The following OSBPL8 variants were observed in gnomAD, a reference collection of about 807,000 sequenced individuals.
OSBPL8 encodes oxysterol binding protein like 8.
In OSBPL8, 59 loss-of-function variants were observed where a neutral mutation model predicts 125.5. The ratio of observed to expected loss-of-function variants is 0.47; its 90% CI spans 0.38 to 0.58. The LOEUF is 0.58. Among genes scored for constraint, OSBPL8 ranks in the 20% least tolerant of loss-of-function variants. OSBPL8 has a pLI of 0.00. For missense variants in OSBPL8, 758 were observed against 1,047.8 expected, an observed-to-expected ratio of 0.72 and a Z score of 3.82; for synonymous variants, 330 against 338.9, an observed-to-expected ratio of 0.97 and a Z score of 0.29.
intron 1 of OSBPL8, among the ~76,000 whole-genome samples, chr12:76,488,883 G>A (rs1294653513): frequency 6.6e-6 from 1 of 152,176 alleles, no homozygotes; most frequent in Admixed American, 6.5e-5. Context: ...TAGTGAGGAA[G>A]GCATGTCAAA....
intron 16 of OSBPL8, among the ~76,000 whole-genome samples, chr12:76,378,056 T>TA: frequency 6.6e-6 from 1 of 152,224 alleles, no homozygotes; most frequent in Admixed American, 6.5e-5. Context: ...GAAAAATCTT[T>TA]AAAAAACTTG....
In OSBPL8 at chr12:76,353,322, G is replaced by C. The variant is rs1224774208; in HGVS notation, c.*2567C>G. ...TGTTGTTTTTTTTTTTTTTTTACAT[G>C]TCCTGGGCCAGCTACATTTTACTAA... is the stretch of plus-strand genomic sequence containing the variant. On this transcript the variant is annotated 3_prime_UTR_variant, in exon 24 of 24. Coordinates refer to ENST00000261183, the MANE Select transcript of OSBPL8 (RefSeq NM_020841.5). 7.4e-6 allele frequency: 1 copy of C among 134,780 alleles called. No individual in the cohort carries two copies. The highest frequency in any genetic ancestry group is 2.3e-4 in the South Asian group (1 of 4,330). The allele number at this position is 134,780 out of a possible 1,614,324, so 8.3% of individuals were successfully genotyped here.
chr12:76,525,912 G>A (rs1474095732), intron 1 of OSBPL8, among the ~76,000 whole-genome samples: 1 of 152,176 alleles, frequency 6.6e-6, no homozygotes, highest in Non-Finnish European at 1.5e-5. Context: ...CCTACTACGT[G>A]CCAACCATTG....
intron 4 of OSBPL8, among the ~76,000 whole-genome samples, chr12:76,431,792 T>C (rs1870860880): frequency 6.6e-6 from 1 of 152,140 alleles, no homozygotes; most frequent in South Asian, 2.1e-4. Context: ...GACAGCAATA[T>C]GATAATAGCA....
chr12:76,427,244 A>C (rs1315898687), intron 4 of OSBPL8, among the ~76,000 whole-genome samples: 2 of 152,086 alleles, frequency 1.3e-5, no homozygotes, highest in African/African-American at 4.8e-5. Flanking sequence ...ATATGATAGA[A>C]TATTTCTGGA....
chr12:76,383,158 C>G (rs1390671618), intron 15 of OSBPL8, among the ~76,000 whole-genome samples: 1 of 151,904 alleles, frequency 6.6e-6, no homozygotes, highest in Non-Finnish European at 1.5e-5. Context: ...TGTACTATAA[C>G]ACAGAAAAAA....
chr12:76,439,551 A>G (rs2136648259), intron 4 of OSBPL8, among the ~76,000 whole-genome samples: 1 of 152,134 alleles, frequency 6.6e-6, no homozygotes, highest in South Asian at 2.1e-4. Context: ...TTTTATAATC[A>G]ATGAAATGCA....
intron 4 of OSBPL8, among the ~76,000 whole-genome samples, chr12:76,428,583 G>T (rs1343354542): frequency 6.6e-6 from 1 of 151,950 alleles, no homozygotes. Flanking sequence ...ATAAACCTAG[G>T]CTTTAAGAGA....
Position 76,389,630 on chromosome 12 carries a change from T to C in OSBPL8, c.1352+15A>G. ...ATGAAGTATTGTCTATTTTAAGAAA[T>C]AAGAATCTACTTACTCAGATAGGAA... On this transcript the variant is annotated intron_variant, in intron 12 of 23. Coordinates refer to ENST00000261183, the MANE Select transcript of OSBPL8 (RefSeq NM_020841.5). The C allele has an allele frequency of 2.0e-6, 3 of 1,498,290 alleles. No individual in the cohort carries two copies. The highest frequency in any genetic ancestry group is 2.7e-6 in the Non-Finnish European group (3 of 1,110,274). 92.8% of individuals were successfully genotyped at this position (1,498,290 alleles called of 1,614,324 possible). A position where few individuals can be genotyped will look rare whatever the true frequency, so the allele number is the denominator to read the frequency against.
chr12:76,400,714 T>C (rs1318372036), intron 6 of OSBPL8, among the ~76,000 whole-genome samples: 3 of 152,056 alleles, frequency 2.0e-5, no homozygotes, highest in Non-Finnish European at 2.9e-5. Context: ...GAGCAGGAGT[T>C]AGTCTTAGAC....
chr12:76,469,630 C>A (rs960818502), intron 2 of OSBPL8, among the ~76,000 whole-genome samples: 1 of 152,214 alleles, frequency 6.6e-6, no homozygotes, highest in African/African-American at 2.4e-5. Context: ...TGCTCAAAAG[C>A]TACTTCATCA....
chr12:76,439,518 G>C (rs1277979033), intron 4 of OSBPL8, among the ~76,000 whole-genome samples: 1 of 152,172 alleles, frequency 6.6e-6, no homozygotes, highest in Non-Finnish European at 1.5e-5. Flanking sequence ...GACAGAATAT[G>C]TATGTGCTTG....
chr12:76,508,328 C>A (rs1258236609), intron 1 of OSBPL8, among the ~76,000 whole-genome samples: 1 of 152,174 alleles, frequency 6.6e-6, no homozygotes, highest in African/African-American at 2.4e-5. Flanking sequence ...TAGTAGTCAT[C>A]AGCCATACCA....
intron 5 of OSBPL8, among the ~76,000 whole-genome samples, chr12:76,407,845 A>C (rs909419780): frequency 2.0e-5 from 3 of 152,154 alleles, no homozygotes; most frequent in African/African-American, 7.2e-5. Context: ...TGAACAAAAA[A>C]GAAAACTGAA....
chr12:76,461,974 T>A (rs1394636961), intron 2 of OSBPL8, among the ~76,000 whole-genome samples: 4 of 152,224 alleles, frequency 2.6e-5, no homozygotes, highest in Admixed American at 2.6e-4. Context: ...CAGAAACAAC[T>A]GTGGCAAACT....
intron 15 of OSBPL8, among the ~76,000 whole-genome samples, chr12:76,383,553 G>GA (rs1343694745): frequency 2.6e-5 from 4 of 152,088 alleles, no homozygotes; most frequent in Non-Finnish European, 5.9e-5. Flanking sequence ...CAGGTAACCA[G>GA]ACCTTGGATT....
intron 1 of OSBPL8, among the ~76,000 whole-genome samples, chr12:76,542,256 G>A (rs1022268795): frequency 4.6e-5 from 7 of 152,170 alleles, no homozygotes; most frequent in African/African-American, 1.7e-4. Context: ...AGTACTTTTA[G>A]TTCTTCTGTC....
intron 15 of OSBPL8, among the ~76,000 whole-genome samples, chr12:76,382,851 C>T (rs555623595): frequency 3.1e-4 from 47 of 152,264 alleles, no homozygotes; most frequent in African/African-American, 1.1e-3. Context: ...CCATTGCACT[C>T]ACAGTTAATC....
At chr12:76,533,911 C>G (rs1483535431) in intron 1 of OSBPL8, among the ~76,000 whole-genome samples, 1 of 152,128 alleles carries the variant, frequency 6.6e-6, no homozygotes, top group Non-Finnish European at 1.5e-5. Flanking sequence ...AAATCTCTAT[C>G]TAGGAAAGCA....
Sources: gnomAD v4.1 joint callset for allele counts (sites outside exome capture counted in the v4.1 genomes callset) on GRCh38, gnomAD v4.1.1 for gene constraint, MANE v1.5 for transcripts, NCBI Gene and HGNC (gene_info 2026-07-23, HGNC 2026-07-21) for gene names.